Variants in IKZF4 observed in about 807,000 individuals in gnomAD.
The protein encoded by IKZF4 is zinc finger protein Eos.
A neutral mutation model predicts 47.7 loss-of-function variants in IKZF4; 11 were observed. That is an observed-to-expected ratio of 0.23 (90% CI 0.15 to 0.38). IKZF4 has a LOEUF of 0.38. Among genes scored for constraint, IKZF4 ranks in the 10% least tolerant of loss-of-function variants. The pLI, the probability that IKZF4 is intolerant of heterozygous loss-of-function variation, is 1.00. For missense variants in IKZF4, 557 were observed against 784.9 expected (o/e 0.71, Z 3.47); for synonymous variants, 298 against 299.4 (o/e 1.00, Z 0.05).
At chr12:56,029,838 A>G (rs1894626554) in intron 5 of IKZF4, 1 of 152,204 alleles carries the variant, frequency 6.6e-6, no homozygotes, top group African/African-American at 2.4e-5. Context: ...ATCAAGGTCC[A>G]GTGCCAGAAA....
chr12:56,037,084 G>C lies in IKZF4; in HGVS notation c.*1753G>C, dbSNP rs1196878822. The C allele has an allele frequency of 6.6e-6, 1 of 151,958 alleles. No homozygotes were observed. The highest frequency in any genetic ancestry group is 1.5e-5 in the Non-Finnish European group (1 of 68,000). The allele number at this position is 151,958 out of a possible 1,614,324, so 9.4% of individuals were successfully genotyped here. On this transcript the variant is annotated 3_prime_UTR_variant, in exon 8 of 8. Transcript: ENST00000547167. The stretch of plus-strand genomic sequence containing the variant: ...CCCTATCAGGGATATTTTGGGGGGG[G>C]ATGGTAAAGGGTGGGCTAAGGAACA...
chr12:56,018,209 G>A (rs1302295796), upstream of IKZF4: 2 of 1,286,048 alleles, frequency 1.6e-6, no homozygotes, highest in South Asian at 2.5e-5. Flanking sequence ...TTTGTTAGGG[G>A]CTGGAAGCAG....
At position 56,021,390 on chromosome 12, in the gene IKZF4, G is replaced by A. The variant is rs781197896; in HGVS notation, c.-104G>A. On this transcript the variant is annotated 5_prime_UTR_variant, in exon 1 of 8. Coordinates refer to ENST00000547167, the MANE Select transcript of IKZF4 (RefSeq NM_022465.4). ...GTGGGCCTCTGCTCACCGTGCCGCTGCTGCTGCCTGCGAAATGACGGCGGT... is the reference window on the plus strand; with the variant it reads ...GTGGGCCTCTGCTCACCGTGCCGCTACTGCTGCCTGCGAAATGACGGCGGT... The A allele has an allele frequency of 1.9e-6, 3 of 1,549,428 alleles. No homozygotes were observed. The highest frequency in any genetic ancestry group is 2.4e-5 in the South Asian group (2 of 84,028).
At chr12:56,014,155 CA>C (rs1303427048) in intron 2 of IKZF4, among the ~76,000 whole-genome samples, 219 of 80,918 alleles carry the variant, frequency 2.7e-3, no homozygotes, top group Non-Finnish European at 3.5e-3. Context: ...GACTCCGTCT[CA>C]AAAAAAAAAA....
At chr12:56,034,441 CTGCGAAAGTAAA>C (rs1895409111) in intron 7 of IKZF4, 118 bp from the exon 8 acceptor site, 4 of 894,152 alleles carry the variant, frequency 4.5e-6, no homozygotes, top group African/African-American at 3.3e-5. Flanking sequence ...GGACCTGACC[CTGCGAAAGTAAA>C]TGCCACGTAG....
intron 2 of IKZF4, among the ~76,000 whole-genome samples, chr12:56,013,905 C>T (rs1466232559): frequency 2.6e-5 from 4 of 152,192 alleles, no homozygotes; most frequent in African/African-American, 4.8e-5. Flanking sequence ...AATCCCAACA[C>T]TTTGGGAGGC....
chr12:56,017,223 TCCCCCCCCG>T (rs1251604469), upstream of IKZF4, among the ~76,000 whole-genome samples: 3 of 122,438 alleles, frequency 2.5e-5, no homozygotes, highest in African/African-American at 9.8e-5. Flanking sequence ...AAATTCAGAC[TCCCCCCCCG>T]CCCCCCCCGT....
upstream of IKZF4, among the ~76,000 whole-genome samples, chr12:56,016,709 G>A (rs1376171120): frequency 6.6e-6 from 1 of 152,094 alleles, no homozygotes; most frequent in Non-Finnish European, 1.5e-5. Flanking sequence ...TGATTCTCCT[G>A]CCTCAGCCTC....
chr12:56,036,948 T>A lies in IKZF4; in HGVS notation c.*1617T>A, dbSNP rs1895678672. On this transcript the variant is annotated 3_prime_UTR_variant, in exon 8 of 8. Transcript: ENST00000547167. ...AAACCAAACACAACACCTCACAAGT[T>A]GTAACTCTTGGTCCTTCTCTCTCTC... 1 of 152,186 alleles carries A rather than the reference T, an allele frequency of 6.6e-6. No homozygotes were observed. Among genetic ancestry groups the A allele is most frequent in the Non-Finnish European group, 1.5e-5 (1 of 68,020 alleles). The allele number at this position is 152,186 out of a possible 1,614,324, so 9.4% of individuals were successfully genotyped here. A position where few individuals can be genotyped will look rare whatever the true frequency, so the allele number is the denominator to read the frequency against.
chr12:56,018,615 G>A (rs1892445093), upstream of IKZF4, among the ~76,000 whole-genome samples: 1 of 151,858 alleles, frequency 6.6e-6, no homozygotes, highest in African/African-American at 2.4e-5. Context: ...ATAATAAGCA[G>A]AAAAGAATGG....
In IKZF4 at chr12:56,037,457, G is replaced by A. The variant is rs1895717894; in HGVS notation, c.*2126G>A. On this transcript the variant is annotated 3_prime_UTR_variant, in exon 8 of 8. Transcript: ENST00000547167. ...ATCTGGGCTTTTCCTGAACTATTCT[G>A]GTTATTGAGCCCTTCCTGTTAGACC... 1 of 152,254 alleles carries A rather than the reference G, an allele frequency of 6.6e-6. No individual in the cohort carries two copies. The highest frequency in any genetic ancestry group is 6.5e-5 in the Admixed American group (1 of 15,288). The allele number at this position is 152,254 out of a possible 1,614,324, so 9.4% of individuals were successfully genotyped here. A position where few individuals can be genotyped will look rare whatever the true frequency, so the allele number is the denominator to read the frequency against.
Position 56,034,626 on chromosome 12 carries a change from T to A in IKZF4, c.1053T>A (p.Gly351=). The A allele has an allele frequency of 2.5e-6, 4 of 1,613,902 alleles. No individual in the cohort carries two copies. The highest frequency in any genetic ancestry group is 3.4e-6 in the Non-Finnish European group (4 of 1,179,836). ...LSDLPYDVNS[G]GYEKDVELVA... The stretch of plus-strand genomic sequence containing the variant: ...ACCTCCCCTATGATGTGAACTCGGG[T>A]GGCTATGAAAAGGATGTGGAGTTGG... Residue 351 remains glycine (G), a synonymous_variant, in exon 8 of 8, where the codon GGT becomes GGA. Transcript: ENST00000547167.
rs1256739437 is a variant in IKZF4, at chr12:56,026,956, G to A, written c.462G>A (p.Leu154=). ...PEPHSPGGIR[L]PNGKLKCDVC... ...CTCACTCCCCTGGGGGCATCCGGCT[G>A]CCCAATGGCAAGCTCAAGTGTGACG... The change falls in exon 4 of 8, where the codon CTG becomes CTA. Residue 154 remains leucine, a synonymous_variant. Transcript: ENST00000547167. 10 of 1,611,370 alleles carry A rather than the reference G, an allele frequency of 6.2e-6. No individual in the cohort carries two copies. Among genetic ancestry groups the A allele is most frequent in the Non-Finnish European group, 8.5e-6 (10 of 1,178,706 alleles).
At chr12:56,030,084 TCTCA>T (rs1380441006) in intron 5 of IKZF4, among the ~76,000 whole-genome samples, 1 of 152,140 alleles carries the variant, frequency 6.6e-6, no homozygotes, top group Non-Finnish European at 1.5e-5. Context: ...GGATGCATGT[TCTCA>T]CTCATGTGGG....
intron 1 of IKZF4, among the ~76,000 whole-genome samples, chr12:56,023,267 C>G (rs1893380401): frequency 6.6e-6 from 1 of 152,214 alleles, no homozygotes; most frequent in Non-Finnish European, 1.5e-5. Flanking sequence ...CTGTTCTTCC[C>G]TGATAGTAAC....
chr12:56,024,520 A>T, intron 2 of IKZF4: 1 of 547,908 alleles, frequency 1.8e-6, no homozygotes, highest in Non-Finnish European at 2.3e-6. Flanking sequence ...AGTTGTTGTG[A>T]GGATTAAATG....
rs1283886945 is a variant in IKZF4, at chr12:56,021,337, G to A, written c.-157G>A. 1 of 1,518,856 alleles carries A rather than the reference G, an allele frequency of 6.6e-7. No individual in the cohort carries two copies. The highest frequency in any genetic ancestry group is 8.8e-7 in the Non-Finnish European group (1 of 1,139,778). 94.1% of individuals were successfully genotyped at this position (1,518,856 alleles called of 1,614,324 possible). On this transcript the variant is annotated 5_prime_UTR_variant, in exon 1 of 8. Coordinates refer to ENST00000547167, the MANE Select transcript of IKZF4 (RefSeq NM_022465.4). ...ACACACTCAACACACATACACCCTG[G>A]GCTGAGCTGCTCTTGCTGGCTGCAG...
At chr12:56,010,734 A>C (rs750072969) in intron 1 of IKZF4, among the ~76,000 whole-genome samples, 3 of 152,154 alleles carry the variant, frequency 2.0e-5, no homozygotes, top group Non-Finnish European at 4.4e-5. Context: ...AATGAGATTG[A>C]TGACTCTGGG....
At chr12:56,026,425 C>G (rs1454579746) in intron 3 of IKZF4, among the ~76,000 whole-genome samples, 2 of 151,990 alleles carry the variant, frequency 1.3e-5, no homozygotes, top group Non-Finnish European at 2.9e-5. Context: ...CGCAGTGGCT[C>G]ACACCTGTAA....
Sources: gnomAD v4.1 joint callset for allele counts (sites outside exome capture counted in the v4.1 genomes callset) on GRCh38, gnomAD v4.1.1 for gene constraint, MANE v1.5 for transcripts, NCBI Gene and HGNC (gene_info 2026-07-23, HGNC 2026-07-21) for gene names.